The following BRCA2 variants were observed in gnomAD, a reference collection of about 807,000 sequenced individuals.
BRCA2 encodes breast cancer type 2 susceptibility protein.
In BRCA2, 203 loss-of-function variants were observed where a neutral mutation model predicts 276.7. The ratio of observed to expected loss-of-function variants is 0.73; its 90% CI spans 0.65 to 0.82. The LOEUF (loss-of-function observed/expected upper bound fraction) is 0.82. BRCA2 is among the 40% of genes least tolerant of loss of function. The pLI is 0.00. For missense variants in BRCA2, 3,920 were observed against 3,915.0 expected, an observed-to-expected ratio of 1.00 and a Z score of -0.03; for synonymous variants, 1,289 against 1,338.4, an observed-to-expected ratio of 0.96 and a Z score of 0.81.
intron 1 of BRCA2, among the ~76,000 whole-genome samples, chr13:32,315,924 C>T (rs1404098690): frequency 6.6e-6 from 1 of 152,254 alleles, no homozygotes; most frequent in Admixed American, 6.5e-5. Context: ...CAGCTCAAGA[C>T]TTAACTTCCC....
At chr13:32,355,443 T>A in intron 14 of BRCA2, 155 bp downstream of exon 14, 2 of 395,548 alleles carry the variant, frequency 5.1e-6, no homozygotes, top group Non-Finnish European at 6.9e-6. Context: ...TAGGTTTAAA[T>A]TATTCTAATG....
In BRCA2 at chr13:32,336,681, A is replaced by C; in HGVS notation, c.2326A>C (p.Lys776Gln). 6.2e-7 allele frequency: 1 copy of C among 1,613,940 alleles called. No individual in the cohort carries two copies. The highest frequency in any genetic ancestry group is 1.1e-5 in the South Asian group (1 of 91,076). Residue 776 changes from lysine to glutamine, a missense_variant, in exon 11 of 27, where the codon AAG becomes CAG. By Grantham distance (53) the Lys-to-Gln change is moderately conservative. This residue lies in a region of BRCA2 where 3,263 missense variants were observed against 3,156.9 expected (regional missense o/e 1.03). Transcript: ENST00000380152. ...ASTLILTPTS[K>Q]DVLSNLVMIS... ...CACTCTTATTTTAACTCCTACTTCC[A>C]AGGATGTTCTGTCAAACCTAGTCAT...
rs786203814 is a variant in BRCA2, at chr13:32,336,798, A to G, written c.2443A>G (p.Met815Val). 1.6e-5 allele frequency: 26 copies of G among 1,607,568 alleles called. No homozygotes were observed. The highest frequency in any genetic ancestry group is 1.7e-4 in the Middle Eastern group (1 of 6,034). Residue 815 changes from methionine to valine, a missense_variant, in exon 11 of 27, where the codon ATG becomes GTG. Met to Val is a conservative substitution (Grantham distance 21). Coordinates refer to ENST00000380152, the MANE Select transcript of BRCA2 (RefSeq NM_000059.4). ...SDVELTKNIPMEKNQDVCALN... is the reference protein window; with the variant it reads ...SDVELTKNIPVEKNQDVCALN... Reference sequence around the variant, plus strand: ...TGTTGAATTAACCAAAAATATTCCCATGGAAAAGAATCAAGATGTATGTGC... The same window carrying G: ...TGTTGAATTAACCAAAAATATTCCCGTGGAAAAGAATCAAGATGTATGTGC...
In BRCA2 at chr13:32,339,334, CT is replaced by C. The variant is rs886040558; in HGVS notation, c.4981del (p.Tyr1661IlefsTer9). 1.3e-6 allele frequency: 2 copies of C among 1,593,076 alleles called. No homozygotes were observed. Among genetic ancestry groups the C allele is most frequent in the Non-Finnish European group, 1.7e-6 (2 of 1,171,330 alleles). On this transcript the variant is annotated frameshift_variant, in exon 11 of 27. Coordinates refer to ENST00000380152, the MANE Select transcript of BRCA2 (RefSeq NM_000059.4). LOFTEE classifies it high-confidence loss of function. ...SPATCYTNQS[P>X]YSVIENSALA... ...GCAACTTGTTACACAAATCAGTCCC[CT>C]TATTCAGTCATTGAAAATTCAGCCT...
chr13:32,355,437 T>C, intron 14 of BRCA2, 149 bp downstream of exon 14: 1 of 908,906 alleles, frequency 1.1e-6, no homozygotes, highest in South Asian at 1.7e-5. Context: ...AAAGATTAGG[T>C]TTAAATTATT....
At position 32,337,597 on chromosome 13, in the gene BRCA2, G is replaced by T. The variant is rs752871893; in HGVS notation, c.3242G>T (p.Cys1081Phe). 6.3e-7 allele frequency: 1 copy of T among 1,593,786 alleles called. No individual in the cohort carries two copies. The highest frequency in any genetic ancestry group is 1.1e-5 in the South Asian group (1 of 87,502). Reference sequence around the variant, plus strand: ...CAGAGTAGTGTAGTTGTTTCTGATTGTAAAAATAGTCATATAACCCCTCAG... The same window carrying T: ...CAGAGTAGTGTAGTTGTTTCTGATTTTAAAAATAGTCATATAACCCCTCAG... ...HLQSSVVVSD[C>F]KNSHITPQML... The change falls in exon 11 of 27, where the codon TGT becomes TTT. Residue 1081 changes from cysteine (C) to phenylalanine (F), a missense_variant. Physicochemically the swap from Cys to Phe is radical, Grantham distance 205. Coordinates refer to ENST00000380152, the MANE Select transcript of BRCA2 (RefSeq NM_000059.4).
At chr13:32,395,994 CAG>C (rs776209115) in intron 25 of BRCA2, 1 of 91,842 alleles carries the variant, frequency 1.1e-5, no homozygotes, top group South Asian at 1.6e-4. Flanking sequence ...TTTTTAGAGA[CAG>C]AGTCTTGCTT....
chr13:32,396,724 T>C (rs757854713), intron 25 of BRCA2, 174 bp from the exon 26 acceptor site: 1 of 726,736 alleles, frequency 1.4e-6, no homozygotes, highest in Non-Finnish European at 2.3e-6. Context: ...CCTAAATCAC[T>C]GATACTGGTT....
rs1203581601 is a variant in BRCA2, at chr13:32,316,620, T to G, written c.67+93T>G. The G allele has an allele frequency of 1.3e-5, 14 of 1,094,854 alleles. No homozygotes were observed. The South Asian group carries it at 1.6e-4, about 13-fold the overall frequency. 67.8% of individuals were successfully genotyped at this position (1,094,854 alleles called of 1,614,324 possible). A position where few individuals can be genotyped will look rare whatever the true frequency, so the allele number is the denominator to read the frequency against. On this transcript the variant is annotated intron_variant, in intron 2 of 26. Coordinates refer to ENST00000380152, the MANE Select transcript of BRCA2 (RefSeq NM_000059.4). Reference sequence around the variant, plus strand: ...AAAACCCAGTACGTCACAGTGTTGCTTAGAACCATAAACTGTTCCTTATGT... The same window carrying G: ...AAAACCCAGTACGTCACAGTGTTGCGTAGAACCATAAACTGTTCCTTATGT...
In BRCA2 at chr13:32,319,314, A is replaced by C. The variant is rs80358549; in HGVS notation, c.305A>C (p.Lys102Thr). ...QSPVKELDKF[K>T]LDLGRNVPNS... ...CCTGTAAAAGAATTAGATAAATTCA[A>C]ATTAGACTTAGGTAAGTAATGCAAT... The change falls in exon 3 of 27, where the codon AAA becomes ACA. Residue 102 changes from lysine to threonine, a missense_variant. Around this residue, in one of 2 missense-constraint regions of BRCA2, gnomAD observed 3,263 missense variants for 3,156.9 expected, o/e 1.03. Transcript: ENST00000380152. 6.2e-7 allele frequency: 1 copy of C among 1,613,270 alleles called. No homozygotes were observed. Among genetic ancestry groups the C allele is most frequent in the South Asian group, 1.1e-5 (1 of 91,066 alleles).
In BRCA2 at chr13:32,339,892, T is replaced by C. The variant is rs763330257; in HGVS notation, c.5537T>C (p.Ile1846Thr). 1.2e-6 allele frequency: 2 copies of C among 1,610,144 alleles called. No homozygotes were observed. The highest frequency in any genetic ancestry group is 1.1e-5 in the South Asian group (1 of 90,456). ...GAGGTAGGGCCACCTGCATTTAGGA[T>C]AGCCAGTGGTAAAATCGTTTGTGTT... ...NFEVGPPAFR[I>T]ASGKIVCVSH... The change falls in exon 11 of 27, where the codon ATA becomes ACA. Residue 1846 changes from isoleucine to threonine, a missense_variant. Transcript: ENST00000380152.
intron 9 of BRCA2, among the ~76,000 whole-genome samples, chr13:32,331,628 T>C (rs184136790): frequency 4.6e-5 from 7 of 152,168 alleles, no homozygotes; most frequent in South Asian, 2.1e-4. Context: ...AAGACAGTAC[T>C]ATTTAATATG....
At chr13:32,388,637 C>T (rs780106720) in intron 24 of BRCA2, among the ~76,000 whole-genome samples, 2 of 149,606 alleles carry the variant, frequency 1.3e-5, no homozygotes, top group Non-Finnish European at 3.0e-5. Context: ...CCTCTATGCT[C>T]AGTAGGTTAA....
At chr13:32,326,008 T>G in intron 4 of BRCA2, 93 bp from the exon 5 acceptor site, 1 of 1,132,052 alleles carries the variant, frequency 8.8e-7, no homozygotes, top group Non-Finnish European at 1.3e-6. Context: ...TCCAACAATT[T>G]ATATGAATGA....
Position 32,362,546 on chromosome 13 carries a change from T to C in BRCA2, c.7829T>C (p.Val2610Ala), listed in dbSNP as rs2072744756. 6.2e-7 allele frequency: 1 copy of C among 1,613,870 alleles called. No individual in the cohort carries two copies. The change falls in exon 17 of 27, where the codon GTG becomes GCG. Residue 2610 changes from valine to alanine, a missense_variant. Coordinates refer to ENST00000380152, the MANE Select transcript of BRCA2 (RefSeq NM_000059.4). ...FYRALCDTPG[V>A]DPKLISRIWV... ...AGGGCTCTGTGTGACACTCCAGGTG[T>C]GGATCCAAAGCTTATTTCTAGAATT... is the stretch of plus-strand genomic sequence containing the variant.
At chr13:32,360,424 A>G (rs1179526533) in intron 16 of BRCA2, among the ~76,000 whole-genome samples, 1 of 152,234 alleles carries the variant, frequency 6.6e-6, no homozygotes, top group East Asian at 1.9e-4. Context: ...CAGTGGTGCA[A>G]TCTCGGCTCA....
chr13:32,367,985 G>A (rs1052975345), intron 18 of BRCA2, among the ~76,000 whole-genome samples: 4 of 118,234 alleles, frequency 3.4e-5, no homozygotes, highest in Non-Finnish European at 7.2e-5. Flanking sequence ...AATTAGGGTT[G>A]TCTTTTCTTC....
chr13:32,349,941 G>C (rs552812498), intron 13 of BRCA2, among the ~76,000 whole-genome samples: 70 of 152,128 alleles, frequency 4.6e-4, no homozygotes, highest in Non-Finnish European at 7.6e-4. Flanking sequence ...GAACACACTA[G>C]GCACAGTTGA....
rs80359454 is a variant in BRCA2 at position 32,338,827 on chromosome 13, TGAAA to T, written c.4478_4481del (p.Glu1493ValfsTer10). 4.3e-5 allele frequency: 69 copies of T among 1,613,724 alleles called. No homozygotes were observed. The highest frequency in any genetic ancestry group is 5.7e-5 in the Non-Finnish European group (67 of 1,179,810). ...ACAGACATAGTTAAACACAAAATAC[TGAAA>T]GAAAGTGTCCCAGTTGGTACTGGAA... On this transcript the variant is annotated frameshift_variant, in exon 11 of 27. Coordinates refer to ENST00000380152, the MANE Select transcript of BRCA2 (RefSeq NM_000059.4). LOFTEE classifies it high-confidence loss of function.
Sources: allele counts gnomAD v4.1 joint callset (sites outside exome capture counted in the v4.1 genomes callset), GRCh38; gene constraint gnomAD v4.1.1; regional missense constraint gnomAD v4.1.1; transcripts MANE v1.5; gene names NCBI Gene and HGNC (gene_info 2026-07-23, HGNC 2026-07-21).